Variants in KCNN2 observed in about 807,000 individuals in gnomAD.
KCNN2 encodes the protein potassium calcium-activated channel subfamily N member 2, also known as small conductance calcium-activated potassium channel protein 2.
In KCNN2, 24 loss-of-function variants were observed where a neutral mutation model predicts 55.5. The ratio of observed to expected loss-of-function variants is 0.43; its 90% CI spans 0.31 to 0.61. The LOEUF (loss-of-function observed/expected upper bound fraction) is 0.61. Among genes scored for constraint, KCNN2 ranks in the 20% least tolerant of loss-of-function variants. KCNN2 has a pLI of 0.08. For missense variants in KCNN2, 754 were observed against 853.6 expected, an observed-to-expected ratio of 0.88 and a Z score of 1.45; for synonymous variants, 431 against 336.1, an observed-to-expected ratio of 1.28 and a Z score of -3.09.
chr5:114,158,778 G>T (rs1007153293), intron 1 of KCNN2, among the ~76,000 whole-genome samples: 5 of 151,920 alleles, frequency 3.3e-5, no homozygotes, highest in African/African-American at 1.2e-4. Context: ...GTGAATGGGA[G>T]TTCACTCATG....
chr5:114,345,544 A>G (rs1219058976), intron 2 of KCNN2, among the ~76,000 whole-genome samples: 1 of 152,242 alleles, frequency 6.6e-6, no homozygotes, highest in Admixed American at 6.5e-5. Context: ...GAAAGAAGCT[A>G]GCTGCATTAC....
rs954145742 is a variant in KCNN2 at position 114,379,513 on chromosome 5, T to G, written c.1218+15512T>G. ...TATTATATAACATATTATATATTTATAGAATATATTATATAACATATTATA... is the reference window on the plus strand; with the variant it reads ...TATTATATAACATATTATATATTTAGAGAATATATTATATAACATATTATA... On this transcript the variant is annotated intron_variant, in intron 2 of 7. Transcript: ENST00000673685. Among the ~76,000 whole-genome samples the G allele has an allele frequency of 1.6e-4, 20 of 124,032 alleles. 1 individual carries two copies. The highest frequency in any genetic ancestry group is 3.2e-4 in the Non-Finnish European group (20 of 61,630). The allele number at this position is 124,032 out of a possible 152,430, so 81.4% of individuals were successfully genotyped here.
chr5:114,110,364 C>G (rs968300627), intron 1 of KCNN2, among the ~76,000 whole-genome samples: 12 of 152,000 alleles, frequency 7.9e-5, no homozygotes, highest in African/African-American at 2.9e-4. Flanking sequence ...GATCTCAGGA[C>G]TAAGGTACCA....
intron 3 of KCNN2, among the ~76,000 whole-genome samples, chr5:114,424,035 C>T (rs1759546811): frequency 2.0e-5 from 3 of 152,142 alleles, no homozygotes; most frequent in South Asian, 4.1e-4. Context: ...TGGGAAAATA[C>T]GGAGTCTGGA....
intron 1 of KCNN2, among the ~76,000 whole-genome samples, chr5:114,077,799 C>T (rs746484603): frequency 6.6e-6 from 1 of 152,122 alleles, no homozygotes; most frequent in African/African-American, 2.4e-5. Context: ...TTCTCTGTCC[C>T]GTCTAGGGGA....
At chr5:114,185,000 C>G (rs1753302872) in intron 1 of KCNN2, among the ~76,000 whole-genome samples, 1 of 152,162 alleles carries the variant, frequency 6.6e-6, no homozygotes, top group African/African-American at 2.4e-5. Context: ...TCTAGCAAGG[C>G]TGTTTTTGGT....
chr5:114,149,951 G>A (rs946618005), intron 1 of KCNN2, among the ~76,000 whole-genome samples: 7 of 152,090 alleles, frequency 4.6e-5, no homozygotes, highest in East Asian at 1.9e-4. Flanking sequence ...CCCCTCATGC[G>A]TCCGTTTATA....
chr5:114,154,044 T>A (rs1399506476), intron 1 of KCNN2, among the ~76,000 whole-genome samples: 1 of 152,150 alleles, frequency 6.6e-6, no homozygotes, highest in African/African-American at 2.4e-5. Flanking sequence ...TCTTGCAGTA[T>A]CACATGCCAT....
At chr5:114,488,567 T>G (rs886919101) in intron 6 of KCNN2, among the ~76,000 whole-genome samples, 15 of 152,286 alleles carry the variant, frequency 9.8e-5, no homozygotes, top group African/African-American at 3.1e-4. Flanking sequence ...CCAGGAGCCC[T>G]TGCCTAGAAA....
At chr5:114,412,908 C>A (rs953034130) in intron 3 of KCNN2, among the ~76,000 whole-genome samples, 2 of 152,202 alleles carry the variant, frequency 1.3e-5, no homozygotes, top group Non-Finnish European at 2.9e-5. Flanking sequence ...TTATTTCCTA[C>A]CACTTGAAGA....
In KCNN2 at chr5:114,404,610, C is replaced by G; in HGVS notation, c.1391C>G (p.Ala464Gly). ...AFSYAPSTTT[A>G]DVDIILSIPM... Reference sequence around the variant, plus strand: ...TCCTATGCCCCATCCACAACCACCGCTGATGTGGATATTATTTTATCTATA... The same window carrying G: ...TCCTATGCCCCATCCACAACCACCGGTGATGTGGATATTATTTTATCTATA... Residue 464 changes from alanine to glycine, a missense_variant, in exon 3 of 8, where the codon GCT becomes GGT. Around this residue, in one of 4 missense-constraint regions of KCNN2, gnomAD observed 123 missense variants for 204.9 expected, o/e 0.60. Coordinates refer to ENST00000673685, the MANE Select transcript of KCNN2 (RefSeq NM_021614.4). 6.2e-7 allele frequency: 1 copy of G among 1,613,542 alleles called. No individual in the cohort carries two copies. Among genetic ancestry groups the G allele is most frequent in the Non-Finnish European group, 8.5e-7 (1 of 1,179,524 alleles).
chr5:114,229,744 A>G (rs1580640845), intron 2 of KCNN2, among the ~76,000 whole-genome samples: 1 of 54,758 alleles, frequency 1.8e-5, no homozygotes, highest in East Asian at 9.5e-4. Flanking sequence ...GAAAAGTCTA[A>G]TTACTGTTGT....
intron 2 of KCNN2, among the ~76,000 whole-genome samples, chr5:114,401,504 C>A (rs182604075): frequency 1.6e-3 from 240 of 152,276 alleles, no homozygotes; most frequent in Non-Finnish European, 2.6e-3. Flanking sequence ...CATTTCTTAT[C>A]CTCCACTAGG....
chr5:114,115,334 T>C (rs1244919713), intron 1 of KCNN2, among the ~76,000 whole-genome samples: 3 of 152,168 alleles, frequency 2.0e-5, no homozygotes, highest in Admixed American at 6.5e-5. Flanking sequence ...ACCTATAAAA[T>C]GCTTTTACTG....
chr5:114,428,249 A>G (rs1393518468), intron 3 of KCNN2, among the ~76,000 whole-genome samples: 3 of 152,194 alleles, frequency 2.0e-5, no homozygotes, highest in Non-Finnish European at 4.4e-5. Context: ...AGAGTTTCTC[A>G]TTAGAATAAT....
chr5:114,438,291 G>A (rs1290033408), intron 3 of KCNN2, among the ~76,000 whole-genome samples: 5 of 152,088 alleles, frequency 3.3e-5, no homozygotes, highest in South Asian at 2.1e-4. Context: ...GCATCAGCTC[G>A]GTTTGGATGA....
chr5:114,217,314 A>C (rs1475511486), intron 1 of KCNN2, among the ~76,000 whole-genome samples: 1 of 152,184 alleles, frequency 6.6e-6, no homozygotes, highest in African/African-American at 2.4e-5. Context: ...GAAGAAAAAC[A>C]AAGTTGGAAG....
At position 114,457,022 on chromosome 5, in the gene KCNN2, A is replaced by T. The variant is rs563109810; in HGVS notation, c.1638-6027A>T. 2.0e-5 allele frequency among the ~76,000 whole-genome samples: 3 copies of T among 152,358 alleles called. No individual in the cohort carries two copies. The East Asian group carries it at 5.8e-4, about 29-fold the overall frequency. On this transcript the variant is annotated intron_variant, in intron 3 of 7. Transcript: ENST00000673685. ...GAAAATACATAAACTTAGTTGATAAAGCTGTGTCACGGTTTGGGAGGATTG... is the reference window on the plus strand; with the variant it reads ...GAAAATACATAAACTTAGTTGATAATGCTGTGTCACGGTTTGGGAGGATTG...
intron 2 of KCNN2, among the ~76,000 whole-genome samples, chr5:114,248,089 A>G (rs955503665): frequency 1.3e-5 from 2 of 152,214 alleles, no homozygotes; most frequent in African/African-American, 4.8e-5. Context: ...TATTCGAATC[A>G]GGTCATGTCG....
Sources: allele counts gnomAD v4.1 joint callset (sites outside exome capture counted in the v4.1 genomes callset), GRCh38; gene constraint gnomAD v4.1.1; regional missense constraint gnomAD v4.1.1; transcripts MANE v1.5; gene names NCBI Gene and HGNC (gene_info 2026-07-23, HGNC 2026-07-21).